Variants in TSEN15 observed in about 807,000 individuals in gnomAD.
TSEN15 encodes tRNA splicing endonuclease subunit 15.
Under a neutral mutation model 20.5 loss-of-function variants are expected in TSEN15, and 10 were observed. The ratio of observed to expected loss-of-function variants is 0.49; its 90% CI spans 0.30 to 0.83. The LOEUF (loss-of-function observed/expected upper bound fraction) is 0.83, where lower values mean the gene tolerates loss of function less well. Among genes scored for constraint, TSEN15 ranks in the 40% least tolerant of loss-of-function variants. The pLI, the probability that TSEN15 is intolerant of heterozygous loss-of-function variation, is 0.06. For missense variants in TSEN15, 180 were observed against 218.6 expected, an observed-to-expected ratio of 0.82 and a Z score of 1.11; for synonymous variants, 72 against 80.1, an observed-to-expected ratio of 0.90 and a Z score of 0.54.
In TSEN15 at chr1:184,072,160, A is replaced by G. The variant is rs1245275554; in HGVS notation, c.357A>G (p.Ile119Met). 6.2e-7 allele frequency: 1 copy of G among 1,613,330 alleles called. No individual in the cohort carries two copies. The highest frequency in any genetic ancestry group is 1.7e-5 in the Admixed American group (1 of 59,948). Reference protein sequence around the residue: ...PITASLSHNRIREILKASRKL... With the variant: ...PITASLSHNRMREILKASRKL... ...TATATTGTGACTTTATTTTCAGGAT[A>G]AGGGAGATCTTGAAGGCATCTCGAA... The change falls in exon 4 of 5, where the codon ATA (isoleucine) becomes ATG (methionine). Residue 119 changes from isoleucine (I) to methionine (M), a missense_variant. Around this residue, in one of 3 missense-constraint regions of TSEN15, gnomAD observed 76 missense variants for 123.4 expected, o/e 0.62. Transcript: ENST00000645668.
chr1:184,079,059 T>C (rs1440525952), downstream of TSEN15, among the ~76,000 whole-genome samples: 1 of 152,176 alleles, frequency 6.6e-6, no homozygotes, highest in African/African-American at 2.4e-5. Flanking sequence ...TGTGCTATCC[T>C]CTGAGCAATT....
downstream of TSEN15, among the ~76,000 whole-genome samples, chr1:184,077,857 C>A (rs189239901): frequency 6.6e-6 from 1 of 152,256 alleles, no homozygotes; most frequent in East Asian, 1.9e-4. Context: ...GGAGTTGTTT[C>A]TTATGGATGA....
downstream of TSEN15, among the ~76,000 whole-genome samples, chr1:184,077,922 C>G (rs535647231): frequency 1.3e-5 from 2 of 152,264 alleles, no homozygotes; most frequent in East Asian, 3.9e-4. Context: ...GCTATGAACA[C>G]TGTTGAAATG....
At chr1:184,083,710 C>A (rs1489710374) in intron 3 of TSEN15, among the ~76,000 whole-genome samples, 1 of 152,074 alleles carries the variant, frequency 6.6e-6, no homozygotes, top group Non-Finnish European at 1.5e-5. Flanking sequence ...TTGCTTTTTT[C>A]TGGATTGTAC....
Position 184,051,999 on chromosome 1 carries a change from C to T in TSEN15, c.135+109C>T, listed in dbSNP as rs58073693. ...CTCAGTGGGAGACTGAGGACGCGCGCCACCCTCACCGAGGGGGACCGGTGT... is the reference window on the plus strand; with the variant it reads ...CTCAGTGGGAGACTGAGGACGCGCGTCACCCTCACCGAGGGGGACCGGTGT... On this transcript the variant is annotated intron_variant, in intron 1 of 4. Transcript: ENST00000645668. 2,500 of 1,159,872 alleles carry T rather than the reference C, an allele frequency of 2.2e-3. 40 individuals are homozygous for T. The African/African-American group carries it at 0.036, about 17-fold the overall frequency. 71.8% of individuals were successfully genotyped at this position (1,159,872 alleles called of 1,614,324 possible). A position where few individuals can be genotyped will look rare whatever the true frequency, so the allele number is the denominator to read the frequency against.
At chr1:184,054,280 G>A in intron 1 of TSEN15, 74 bp from the exon 2 acceptor site, 3 of 927,652 alleles carry the variant, frequency 3.2e-6, no homozygotes, top group Non-Finnish European at 5.0e-6. Flanking sequence ...TATGCTTGAT[G>A]ACCACTTGAT....
At chr1:184,053,091 A>G (rs976946639) in intron 1 of TSEN15, among the ~76,000 whole-genome samples, 1 of 152,226 alleles carries the variant, frequency 6.6e-6, no homozygotes, top group African/African-American at 2.4e-5. Flanking sequence ...GACTTTATCT[A>G]GATTTGGTGG....
intron 3 of TSEN15, among the ~76,000 whole-genome samples, chr1:184,089,418 A>G (rs563178598): frequency 6.6e-6 from 1 of 152,230 alleles, no homozygotes; most frequent in African/African-American, 2.4e-5. Flanking sequence ...AGGTGAGCAG[A>G]CCTATGTGAG....
At chr1:184,058,228 G>T (rs984915194) in intron 3 of TSEN15, 2 of 422,408 alleles carry the variant, frequency 4.7e-6, no homozygotes, top group African/African-American at 2.1e-5. Context: ...GAATTAGTTG[G>T]AATGATAACT....
At chr1:184,077,636 G>A (rs890398473), downstream of TSEN15, among the ~76,000 whole-genome samples, 1 of 152,128 alleles carries the variant, frequency 6.6e-6, no homozygotes, top group African/African-American at 2.4e-5. Context: ...CATTCTAGAT[G>A]CCATTAAGAA....
At chr1:184,058,088 A>G (rs1265038413) in intron 3 of TSEN15, 3 of 378,172 alleles carry the variant, frequency 7.9e-6, no homozygotes, top group East Asian at 8.1e-5. Flanking sequence ...GCAATAGCCT[A>G]TTTTAATCAA....
chr1:184,072,316 T>C lies in TSEN15; in HGVS notation c.495+18T>C, dbSNP rs1392434226. 3.2e-6 allele frequency: 5 copies of C among 1,581,808 alleles called. No individual in the cohort carries two copies. Among genetic ancestry groups the C allele is most frequent in the Non-Finnish European group, 4.3e-6 (5 of 1,166,402 alleles). On this transcript the variant is annotated intron_variant, in intron 4 of 4. Transcript: ENST00000645668. ...ACCCTCAGGTCAGTTTTGAGGTAACTGACAGCAAGAAGTACAAAAAGAGGA... is the reference window on the plus strand; with the variant it reads ...ACCCTCAGGTCAGTTTTGAGGTAACCGACAGCAAGAAGTACAAAAAGAGGA...
chr1:184,068,463 T>C (rs563339181), intron 3 of TSEN15, among the ~76,000 whole-genome samples: 1 of 152,324 alleles, frequency 6.6e-6, no homozygotes, highest in Admixed American at 6.5e-5. Context: ...AATCTGCTGC[T>C]GGTGAAACCC....
intron 3 of TSEN15, among the ~76,000 whole-genome samples, chr1:184,067,970 ATG>A: frequency 2.2e-5 from 3 of 136,332 alleles, no homozygotes; most frequent in African/African-American, 8.0e-5. Flanking sequence ...ATATATATAT[ATG>A]TACATATGTA....
Position 184,072,981 on chromosome 1 carries a change from C to T in TSEN15, c.*134C>T. On this transcript the variant is annotated 3_prime_UTR_variant, in exon 5 of 5. Coordinates refer to ENST00000645668, the MANE Select transcript of TSEN15 (RefSeq NM_052965.4). ...TGACTTCCCCATTCCATAAGGTTTT[C>T]ATTCTGAAGAGTAAAACTTCCCCAG... 8.4e-6 allele frequency: 7 copies of T among 831,866 alleles called. No individual in the cohort carries two copies. The highest frequency in any genetic ancestry group is 7.0e-5 in the African/African-American group (4 of 56,756). 51.5% of individuals were successfully genotyped at this position (831,866 alleles called of 1,614,324 possible).
intron 3 of TSEN15, among the ~76,000 whole-genome samples, chr1:184,090,575 T>G: frequency 6.6e-6 from 1 of 152,192 alleles, no homozygotes; most frequent in East Asian, 1.9e-4. Context: ...AAGACCTAAC[T>G]CTCTTTTCTT....
rs1168814151 is a variant in TSEN15, at chr1:184,072,234, T to C, written c.431T>C (p.Val144Ala). 2.5e-6 allele frequency: 4 copies of C among 1,613,440 alleles called. No individual in the cohort carries two copies. The highest frequency in any genetic ancestry group is 1.3e-5 in the African/African-American group (1 of 74,866). ...DLPMSFTLAI[V>A]ESDSTIVYYK... The stretch of plus-strand genomic sequence containing the variant: ...CCGATGTCTTTTACTTTGGCCATAG[T>C]GGAGTCTGATTCTACAATAGTCTAT... The change falls in exon 4 of 5, where the codon GTG becomes GCG. Residue 144 changes from valine (V) to alanine (A), a missense_variant. This residue lies in a region of TSEN15 where 76 missense variants were observed against 123.4 expected (regional missense o/e 0.62). Coordinates refer to ENST00000645668, the MANE Select transcript of TSEN15 (RefSeq NM_052965.4).
chr1:184,080,206 A>T (rs1026998717), intron 3 of TSEN15, among the ~76,000 whole-genome samples: 32 of 152,196 alleles, frequency 2.1e-4, no homozygotes, highest in Non-Finnish European at 5.9e-5. Flanking sequence ...AGTTATAATC[A>T]TGTTGTACTT....
rs994426562 is a variant in TSEN15, at chr1:184,054,253, G to T, written c.136-101G>T. 10 of 706,928 alleles carry T rather than the reference G, an allele frequency of 1.4e-5. No homozygotes were observed. In the African/African-American group the frequency reaches 1.4e-4, roughly 10 times the overall value. The allele number at this position is 706,928 out of a possible 1,614,324, so 43.8% of individuals were successfully genotyped here. On this transcript the variant is annotated intron_variant, in intron 1 of 4. Coordinates refer to ENST00000645668, the MANE Select transcript of TSEN15 (RefSeq NM_052965.4). ...CTTTTAACTTCCACTATACCTAGAA[G>T]AATTTTATAGATTATATATGCTTGA...
Sources: gnomAD v4.1 joint callset for allele counts (sites outside exome capture counted in the v4.1 genomes callset) on GRCh38, gnomAD v4.1.1 for gene constraint, gnomAD v4.1.1 regional missense constraint, MANE v1.5 for transcripts, NCBI Gene and HGNC (gene_info 2026-07-23, HGNC 2026-07-21) for gene names.